The following KIF25 variants were observed in gnomAD, a reference collection of about 807,000 sequenced individuals.
KIF25 encodes the protein kinesin-like protein KIF25.
A neutral mutation model predicts 32.9 loss-of-function variants in KIF25; 19 were observed. The ratio of observed to expected loss-of-function variants is 0.58; its 90% CI spans 0.40 to 0.85. KIF25 has a LOEUF of 0.85. Ranked by LOEUF, KIF25 falls within the 40% of genes least tolerant of loss-of-function variation. The pLI is 0.00. For synonymous variants in KIF25, 225 were observed against 213.7 expected (o/e 1.05, Z -0.46); for missense variants, 485 against 507.0 (o/e 0.96, Z 0.42).
chr6:168,026,121 T>A (rs1798857295), intron 5 of KIF25, among the ~76,000 whole-genome samples: 1 of 152,136 alleles, frequency 6.6e-6, no homozygotes, highest in Non-Finnish European at 1.5e-5. Flanking sequence ...GGGCAGAAGG[T>A]CTCAGTCTTT....
intron 11 of KIF25, 86 bp from the exon 12 acceptor site, chr6:168,042,475 G>A: frequency 6.6e-7 from 1 of 1,517,750 alleles, no homozygotes; most frequent in South Asian, 1.3e-5. Flanking sequence ...ACCTGCCTGA[G>A]AGCCGCTCCT....
intron 11 of KIF25, 38 bp from the exon 12 acceptor site, chr6:168,042,523 T>C: frequency 1.3e-6 from 2 of 1,585,010 alleles, no homozygotes; most frequent in Non-Finnish European, 1.7e-6. Context: ...CCTCCTTTCT[T>C]GGTGCAAACG....
At chr6:168,015,110 C>G (rs540083974) in intron 4 of KIF25, among the ~76,000 whole-genome samples, 1 of 152,108 alleles carries the variant, frequency 6.6e-6, no homozygotes, top group African/African-American at 2.4e-5. Flanking sequence ...TCTTTTTTAA[C>G]GTGGGTTCGC....
chr6:168,020,045 C>G (rs564896228), intron 5 of KIF25, among the ~76,000 whole-genome samples: 6 of 152,092 alleles, frequency 3.9e-5, no homozygotes, highest in African/African-American at 1.4e-4. Context: ...GCAGGAGAAT[C>G]GCTTGAACTC....
chr6:168,033,787 AT>A, intron 7 of KIF25, 94 bp from the exon 8 acceptor site: 1 of 1,266,828 alleles, frequency 7.9e-7, no homozygotes. Flanking sequence ...AGGAAATGAA[AT>A]GTATTGAAGT....
In KIF25 at chr6:168,042,051, G is replaced by A. The variant is rs377209185; in HGVS notation, c.729G>A (p.Gly243=). ...GAAGGAGCCGCAGAGCTTCTCAAGGGGCCTTGGCTCCACAGCTGGTTCCTG... is the reference window on the plus strand; with the variant it reads ...GAAGGAGCCGCAGAGCTTCTCAAGGAGCCTTGGCTCCACAGCTGGTTCCTG... The part of the protein sequence containing the change: ...RAGRSRRASQ[G]ALAPQLVPGN... The change falls in exon 11 of 13, where the codon GGG becomes GGA. Residue 243 remains glycine (G), a synonymous_variant. Transcript: ENST00000643607. 7.1e-6 allele frequency: 11 copies of A among 1,551,342 alleles called. No individual in the cohort carries two copies. Among genetic ancestry groups the A allele is most frequent in the Non-Finnish European group, 5.2e-6 (6 of 1,147,162 alleles).
chr6:168,029,108 G>A (rs757003309), intron 5 of KIF25, among the ~76,000 whole-genome samples: 1 of 152,130 alleles, frequency 6.6e-6, no homozygotes, highest in Non-Finnish European at 1.5e-5. Flanking sequence ...ATCATAGCTC[G>A]TTGCAATATT....
At chr6:168,043,172 G>A (rs1405652965) in intron 12 of KIF25, among the ~76,000 whole-genome samples, 2 of 152,206 alleles carry the variant, frequency 1.3e-5, no homozygotes, top group Non-Finnish European at 2.9e-5. Context: ...CGGCCCCTGT[G>A]TGGAGTCATC....
At chr6:168,023,460 G>T (rs1204791206) in intron 5 of KIF25, among the ~76,000 whole-genome samples, 2 of 152,018 alleles carry the variant, frequency 1.3e-5, no homozygotes, top group African/African-American at 4.8e-5. Context: ...TAGAGACAGG[G>T]TTTCACCATG....
chr6:168,016,379 C>T (rs7759055), intron 4 of KIF25, among the ~76,000 whole-genome samples: 7,337 of 152,302 alleles, frequency 0.048, 589 homozygotes, highest in African/African-American at 0.17. Context: ...AGCACGAGCA[C>T]GCGCAACCTC....
intron 4 of KIF25, among the ~76,000 whole-genome samples, chr6:168,017,618 G>C (rs1455399303): frequency 6.6e-6 from 1 of 152,204 alleles, no homozygotes; most frequent in East Asian, 1.9e-4. Flanking sequence ...GGCCCTTAGA[G>C]TCAGTAATTT....
In KIF25 at chr6:168,038,569, AC is replaced by A. The variant is rs774085789; in HGVS notation, c.336del (p.Ser113GlnfsTer10). On this transcript the variant is annotated frameshift_variant, in exon 9 of 13. Coordinates refer to ENST00000643607, the MANE Select transcript of KIF25 (RefSeq NM_030615.4). LOFTEE classifies it high-confidence loss of function. ...EELFRLILEN[T>X]SRSPKVEVSI... is the part of the protein sequence containing the mutation. ...TTCCCGCAGGCTCATTTTGGAAAAT[AC>A]CTCAAGAAGCCCAAAGGTTGAAGTC... 122 of 1,614,054 alleles carry A rather than the reference AC, an allele frequency of 7.6e-5. No homozygotes were observed. In the African/African-American group the frequency reaches 1.5e-3, roughly 20 times the overall value.
At chr6:168,007,710 T>C (rs1434480167) in intron 4 of KIF25, among the ~76,000 whole-genome samples, 5 of 152,154 alleles carry the variant, frequency 3.3e-5, no homozygotes, top group Non-Finnish European at 5.9e-5. Flanking sequence ...GTGGTCTGGG[T>C]TGTGAATCAG....
chr6:168,021,308 T>C (rs1376456490), intron 5 of KIF25, among the ~76,000 whole-genome samples: 1 of 152,214 alleles, frequency 6.6e-6, no homozygotes, highest in Non-Finnish European at 1.5e-5. Flanking sequence ...TTCTATAAAA[T>C]ATCTGTCCCA....
chr6:168,044,289 C>T (rs1394197166), intron 12 of KIF25, among the ~76,000 whole-genome samples: 1 of 119,120 alleles, frequency 8.4e-6, no homozygotes, highest in Non-Finnish European at 1.8e-5. Context: ...CCTCCCGGAC[C>T]CAGGTGAGGG....
rs184269549 is a variant in KIF25, at chr6:168,012,802, T to G, written c.-162-5171T>G. On this transcript the variant is annotated intron_variant, in intron 4 of 12. Transcript: ENST00000643607. ...TGACTGCTTGGCTGGCCTGAGGGTG[T>G]GTTTGCCAGGGGCTGCCCACAGGGC... Among the ~76,000 whole-genome samples the G allele has an allele frequency of 5.3e-3, 808 of 152,018 alleles. 9 individuals carry two copies. The highest frequency in any genetic ancestry group is 0.018 in the African/African-American group (741 of 41,462).
At position 168,042,549 on chromosome 6, in the gene KIF25, G is replaced by T. The variant is rs766598398; in HGVS notation, c.830-12G>T. The stretch of plus-strand genomic sequence containing the variant: ...GGTGCAAACGGTGATGGTGCGTGGC[G>T]GTCCTGTCCAGGTGTGTCTGGAGTG... On this transcript the variant is annotated splice_polypyrimidine_tract_variant and intron_variant, in intron 11 of 12. Transcript: ENST00000643607. 6.2e-7 allele frequency: 1 copy of T among 1,609,006 alleles called. No individual in the cohort carries two copies. Among genetic ancestry groups the T allele is most frequent in the African/African-American group, 1.3e-5 (1 of 74,720 alleles).
rs754783422 is a variant in KIF25 at position 168,033,910 on chromosome 6, C to T, written c.196C>T (p.Gln66Ter). The change falls in exon 8 of 13, where the codon CAG becomes TAG. Residue 66 changes from glutamine to a stop codon, truncating the protein, a stop_gained. Coordinates refer to ENST00000643607, the MANE Select transcript of KIF25 (RefSeq NM_030615.4). LOFTEE classifies it high-confidence loss of function. Reference protein sequence around the residue: ...GYNVCVMAYGQTGSGKSYTML... With the variant: ...GYNVCVMAYG ...CAATGTTTGTGTTATGGCGTATGGA[C>T]AGACGGGCAGCGGAAAGAGCTATAC... 14 of 1,614,010 alleles carry T rather than the reference C, an allele frequency of 8.7e-6. No individual in the cohort carries two copies. The highest frequency in any genetic ancestry group is 1.2e-5 in the Non-Finnish European group (14 of 1,180,032).
intron 5 of KIF25, among the ~76,000 whole-genome samples, chr6:168,020,312 C>T (rs1441642380): frequency 1.3e-5 from 2 of 152,106 alleles, no homozygotes; most frequent in African/African-American, 4.8e-5. Context: ...ACAGTCCATC[C>T]AGAGTTCTGT....
Sources: gnomAD v4.1 joint callset for allele counts (sites outside exome capture counted in the v4.1 genomes callset) on GRCh38, gnomAD v4.1.1 for gene constraint, MANE v1.5 for transcripts, NCBI Gene and HGNC (gene_info 2026-07-23, HGNC 2026-07-21) for gene names.